Variants in SOX5 observed in about 807,000 individuals in gnomAD.
SOX5 encodes SRY-box transcription factor 5.
In SOX5, 9 loss-of-function variants were observed where a neutral mutation model predicts 92.0. That is an observed-to-expected ratio of 0.10 (90% CI 0.06 to 0.17). The LOEUF (loss-of-function observed/expected upper bound fraction) is 0.17, where lower values mean the gene tolerates loss of function less well. Among genes scored for constraint, SOX5 ranks in the 10% least tolerant of loss-of-function variants. The pLI is 1.00. For missense variants in SOX5, 642 were observed against 944.5 expected (o/e 0.68, Z 4.20); for synonymous variants, 344 against 336.3 (o/e 1.02, Z -0.25).
At chr12:24,095,321 A>C (rs1419120478) in intron 4 of SOX5, among the ~76,000 whole-genome samples, 1 of 152,084 alleles carries the variant, frequency 6.6e-6, no homozygotes, top group Admixed American at 6.5e-5. Context: ...TTTCTTCCTT[A>C]ACTCTATTAA....
At chr12:23,608,872 C>T (rs1470600330) in intron 8 of SOX5, among the ~76,000 whole-genome samples, 1 of 152,162 alleles carries the variant, frequency 6.6e-6, no homozygotes. Flanking sequence ...TATGTGCTGA[C>T]TCTGGACTAT....
intron 4 of SOX5, among the ~76,000 whole-genome samples, chr12:24,126,942 G>A (rs1031394455): frequency 3.3e-5 from 5 of 152,132 alleles, no homozygotes; most frequent in African/African-American, 1.2e-4. Context: ...ATCTTAAAAG[G>A]CTTCTTAGGG....
rs540507459 is a variant in SOX5 at position 24,534,306 on chromosome 12, A to G, written c.-251+28023T>C. Reference sequence around the variant, plus strand: ...TACTATTACAAGCAAGATCTCAGCAATCCCTCAGAAAAGTGACCAAACTCT... The same window carrying G: ...TACTATTACAAGCAAGATCTCAGCAGTCCCTCAGAAAAGTGACCAAACTCT... On this transcript the variant is annotated intron_variant, in intron 1 of 4. Coordinates refer to the SOX5 transcript ENST00000446891. Among the ~76,000 whole-genome samples the G allele has an allele frequency of 2.6e-5, 4 of 151,854 alleles. No homozygotes were observed. In the East Asian group the frequency reaches 5.8e-4, roughly 22 times the overall value.
intron 3 of SOX5, among the ~76,000 whole-genome samples, chr12:23,801,717 T>G (rs2095662517): frequency 6.6e-6 from 1 of 152,186 alleles, no homozygotes; most frequent in South Asian, 2.1e-4. Flanking sequence ...TACTATTACA[T>G]AAATTAAATG....
intron 1 of SOX5, among the ~76,000 whole-genome samples, chr12:24,376,440 A>G (rs1157256277): frequency 1.3e-5 from 2 of 152,192 alleles, no homozygotes; most frequent in African/African-American, 4.8e-5. Flanking sequence ...GTAGATGATA[A>G]CTTCTGATGG....
intron 6 of SOX5, among the ~76,000 whole-genome samples, chr12:23,689,490 C>T (rs1310016766): frequency 6.6e-6 from 1 of 152,134 alleles, no homozygotes; most frequent in African/African-American, 2.4e-5. Flanking sequence ...ATTGACTATG[C>T]TTCTTCAATT....
chr12:24,535,891 C>A (rs919695653), intron 1 of SOX5, among the ~76,000 whole-genome samples: 1 of 151,928 alleles, frequency 6.6e-6, no homozygotes, highest in Non-Finnish European at 1.5e-5. Flanking sequence ...GCTTCCCCCG[C>A]CCCACCACCC....
At chr12:24,208,004 T>C (rs1456731046) in intron 4 of SOX5, among the ~76,000 whole-genome samples, 2 of 152,214 alleles carry the variant, frequency 1.3e-5, no homozygotes, top group African/African-American at 4.8e-5. Flanking sequence ...AACTGCTTTT[T>C]GTGATTTCCT....
intron 3 of SOX5, among the ~76,000 whole-genome samples, chr12:23,804,915 TTATATATATA>T (rs528741802): frequency 0.024 from 1,819 of 74,784 alleles, 44 homozygotes; most frequent in Middle Eastern, 0.035. Flanking sequence ...TATCATTGTT[TTATATATATA>T]TATATATATA....
rs951201244 is a variant in SOX5, at chr12:24,285,136, C to CA, written c.-173-7825dup. 4.7e-4 allele frequency among the ~76,000 whole-genome samples: 71 copies of CA among 151,502 alleles called. 2 individuals are homozygous for CA. The highest frequency in any genetic ancestry group is 1.3e-4 in the Non-Finnish European group (9 of 67,892). ...CAACAGGGTGAGTGAGATTCCATCT[C>CA]AAAAAGAAAGAAAAAAAAATAATCA... On this transcript the variant is annotated intron_variant, in intron 2 of 4. Coordinates refer to the SOX5 transcript ENST00000446891.
At chr12:23,952,844 G>T (rs571129625), upstream of SOX5, among the ~76,000 whole-genome samples, 12 of 152,176 alleles carry the variant, frequency 7.9e-5, no homozygotes, top group African/African-American at 2.9e-4. Flanking sequence ...TGGGCAAACA[G>T]AATTTAAAGT....
intron 1 of SOX5, among the ~76,000 whole-genome samples, chr12:24,495,437 TAGA>T (rs1199450730): frequency 3.3e-5 from 5 of 152,220 alleles, no homozygotes; most frequent in African/African-American, 9.7e-5. Context: ...TGTAAAGTAT[TAGA>T]AGACTTATTC....
chr12:24,143,218 G>C (rs988429411), intron 4 of SOX5, among the ~76,000 whole-genome samples: 1 of 152,094 alleles, frequency 6.6e-6, no homozygotes, highest in Non-Finnish European at 1.5e-5. Flanking sequence ...ACGTCACTGA[G>C]TCCAGGAACA....
At chr12:24,146,534 A>G in intron 4 of SOX5, among the ~76,000 whole-genome samples, 1 of 152,134 alleles carries the variant, frequency 6.6e-6, no homozygotes, top group Non-Finnish European at 1.5e-5. Flanking sequence ...TTTTTTAAAA[A>G]TGTCTCAAAC....
intron 2 of SOX5, among the ~76,000 whole-genome samples, chr12:24,309,878 A>C (rs1444398297): frequency 6.6e-6 from 1 of 152,200 alleles, no homozygotes; most frequent in East Asian, 1.9e-4. Flanking sequence ...ATGCCCTATC[A>C]GTACTAGTTC....
At chr12:23,794,903 T>G (rs1011218613) in intron 3 of SOX5, among the ~76,000 whole-genome samples, 1 of 149,320 alleles carries the variant, frequency 6.7e-6, no homozygotes, top group South Asian at 2.2e-4. Flanking sequence ...CAATGATTTT[T>G]AAAGTGTACT....
chr12:23,810,911 T>C (rs2095864969), intron 3 of SOX5, among the ~76,000 whole-genome samples: 1 of 152,166 alleles, frequency 6.6e-6, no homozygotes, highest in Admixed American at 6.6e-5. Context: ...AGCTGCTTTT[T>C]TTTCCCCTCT....
chr12:24,235,137 A>C (rs1246679455), intron 3 of SOX5, among the ~76,000 whole-genome samples: 1 of 152,180 alleles, frequency 6.6e-6, no homozygotes, highest in Non-Finnish European at 1.5e-5. Context: ...ATGGCCCTTC[A>C]TCTTTCCGAT....
chr12:23,611,009 T>C (rs2075885313), intron 8 of SOX5, among the ~76,000 whole-genome samples: 1 of 152,186 alleles, frequency 6.6e-6, no homozygotes, highest in African/African-American at 2.4e-5. Context: ...ATCTTAAATA[T>C]TTGTTATTTA....
Sources: allele counts gnomAD v4.1 joint callset (sites outside exome capture counted in the v4.1 genomes callset), GRCh38; gene constraint gnomAD v4.1.1; transcripts MANE v1.5; gene names NCBI Gene and HGNC (gene_info 2026-07-23, HGNC 2026-07-21).